PCDH7: variants seen among roughly 807,000 people sequenced by gnomAD.
PCDH7 encodes protocadherin 7.
A neutral mutation model predicts 58.9 loss-of-function variants in PCDH7; 17 were observed. The ratio of observed to expected loss-of-function variants is 0.29; its 90% confidence interval spans 0.20 to 0.43. The LOEUF is 0.43. Ranked by LOEUF, PCDH7 falls within the 20% of genes least tolerant of loss-of-function variation. PCDH7 has a pLI of 1.00. For synonymous variants in PCDH7, 664 were observed against 616.4 expected, an observed-to-expected ratio of 1.08 and a Z score of -1.14; for missense variants, 1,274 against 1,441.0, an observed-to-expected ratio of 0.88 and a Z score of 1.88.
At chr4:31,005,848 C>A (rs1752728471) in intron 3 of PCDH7, among the ~76,000 whole-genome samples, 1 of 152,074 alleles carries the variant, frequency 6.6e-6, no homozygotes, top group Non-Finnish European at 1.5e-5. Flanking sequence ...CTTCTATCAC[C>A]GGAGAAAGCT....
chr4:30,966,870 T>C (rs1260147735), intron 3 of PCDH7, among the ~76,000 whole-genome samples: 1 of 152,142 alleles, frequency 6.6e-6, no homozygotes. Context: ...CATAATTTAG[T>C]AAGAAGAGCA....
At chr4:30,831,952 A>G (rs910641074) in intron 1 of PCDH7, among the ~76,000 whole-genome samples, 4 of 152,156 alleles carry the variant, frequency 2.6e-5, no homozygotes, top group African/African-American at 9.7e-5. Context: ...ATAATTTTGC[A>G]TTTTTAATGT....
intron 1 of PCDH7, among the ~76,000 whole-genome samples, chr4:30,909,069 A>G (rs532441882): frequency 6.6e-6 from 1 of 152,294 alleles, no homozygotes; most frequent in South Asian, 2.1e-4. Flanking sequence ...AACAGAACCA[A>G]TGACGAAAAT....
At chr4:31,144,950 A>T (rs1377940266), downstream of PCDH7, 1 of 152,162 alleles carries the variant, frequency 6.6e-6, no homozygotes, top group Non-Finnish European at 1.5e-5. Context: ...GTAAGTACCT[A>T]TTAAGACAAA....
chr4:31,018,205 C>T (rs994390941), intron 3 of PCDH7, among the ~76,000 whole-genome samples: 2 of 152,104 alleles, frequency 1.3e-5, no homozygotes, highest in East Asian at 3.9e-4. Context: ...TTTAGTCTGA[C>T]TTGAGTTTCT....
intron 3 of PCDH7, among the ~76,000 whole-genome samples, chr4:31,109,230 A>C (rs561277769): frequency 1.6e-4 from 25 of 152,342 alleles, no homozygotes; most frequent in Admixed American, 5.9e-4. Flanking sequence ...GAAAAACTGC[A>C]AAGTCACTTT....
At chr4:30,989,135 A>T (rs1327562171) in intron 3 of PCDH7, among the ~76,000 whole-genome samples, 6 of 149,340 alleles carry the variant, frequency 4.0e-5, no homozygotes, top group African/African-American at 1.4e-4. Flanking sequence ...TTTGGACAGA[A>T]TCAAATCACA....
At chr4:30,984,642 T>C (rs1322461680) in intron 3 of PCDH7, among the ~76,000 whole-genome samples, 1 of 152,196 alleles carries the variant, frequency 6.6e-6, no homozygotes, top group Non-Finnish European at 1.5e-5. Context: ...CCTGCCAATA[T>C]GTAATTCCCA....
rs576472358 is a variant in PCDH7, at chr4:30,850,640, G to A, written c.71-69513G>A. Among the ~76,000 whole-genome samples the A allele has an allele frequency of 2.6e-5, 4 of 152,140 alleles. No individual in the cohort carries two copies. In the East Asian group the frequency reaches 7.7e-4, roughly 29 times the overall value. The stretch of plus-strand genomic sequence containing the variant: ...TTCACAGAAGTTGTTTAACTAAGTT[G>A]ATACATTTGGTGTCCATATTTGAGG... On this transcript the variant is annotated intron_variant, in intron 1 of 3. Transcript: ENST00000509759.
intron 1 of PCDH7, among the ~76,000 whole-genome samples, chr4:30,772,789 G>A (rs560822190): frequency 6.6e-6 from 1 of 152,298 alleles, no homozygotes; most frequent in Non-Finnish European, 1.5e-5. Context: ...CATATACACA[G>A]CTATTAGTAA....
rs200952013 is a variant in PCDH7, at chr4:30,962,788, A to C, written c.*7+12573A>C. 2.5e-4 allele frequency among the ~76,000 whole-genome samples: 37 copies of C among 150,576 alleles called. 1 individual carries two copies. Among genetic ancestry groups the C allele is most frequent in the South Asian group, 2.1e-3 (10 of 4,750 alleles). Reference sequence around the variant, plus strand: ...TGAGACCCAGTCTTAAAAAAAAAAAAAAAAAAAAAAAAAAAAACAGTGGTA... The same window carrying C: ...TGAGACCCAGTCTTAAAAAAAAAAACAAAAAAAAAAAAAAAAACAGTGGTA... On this transcript the variant is annotated intron_variant, in intron 3 of 3. Transcript: ENST00000509759.
In PCDH7 at chr4:30,757,641, G is replaced by T. The variant is rs531233626; in HGVS notation, c.70+33045G>T. ...ACTCAGCTCAAATGTCACTTCCTAT[G>T]CAATGCTTTCCCTGCCTCCCACGCC... On this transcript the variant is annotated intron_variant, in intron 1 of 3. Coordinates refer to the PCDH7 transcript ENST00000509759. 4.2e-4 allele frequency among the ~76,000 whole-genome samples: 64 copies of T among 152,236 alleles called. 3 individuals carry two copies. Among genetic ancestry groups the T allele is most frequent in the African/African-American group, 1.4e-3 (59 of 41,546 alleles).
intron 1 of PCDH7, among the ~76,000 whole-genome samples, chr4:30,744,897 A>G (rs1004938901): frequency 7.9e-5 from 12 of 152,202 alleles, no homozygotes; most frequent in Non-Finnish European, 1.5e-4. Flanking sequence ...ACTGTATTTT[A>G]GTCATTCTAT....
exon 2 of PCDH7, chr4:30,732,944 T>A (rs935460468): frequency 6.6e-6 from 1 of 152,174 alleles, no homozygotes; most frequent in Non-Finnish European, 1.5e-5. Flanking sequence ...CCTCTACTAT[T>A]CTTGTGATTA....
chr4:31,032,675 G>A (rs1755049879), intron 3 of PCDH7, among the ~76,000 whole-genome samples: 1 of 94,130 alleles, frequency 1.1e-5, no homozygotes, highest in Non-Finnish European at 2.4e-5. Context: ...AGGAAGGGAG[G>A]GAGGGAGGGA....
At chr4:30,819,186 G>A (rs1728047313) in intron 1 of PCDH7, among the ~76,000 whole-genome samples, 2 of 152,256 alleles carry the variant, frequency 1.3e-5, no homozygotes, top group Admixed American at 6.5e-5. Context: ...CCCATCATAT[G>A]TATGAAGACC....
chr4:31,061,455 T>A (rs988635958), intron 3 of PCDH7, among the ~76,000 whole-genome samples: 1 of 151,596 alleles, frequency 6.6e-6, no homozygotes, highest in African/African-American at 2.4e-5. Context: ...TCTTAACAGA[T>A]CCTACCTTGT....
At chr4:31,044,691 G>T (rs1756144922) in intron 3 of PCDH7, among the ~76,000 whole-genome samples, 1 of 152,034 alleles carries the variant, frequency 6.6e-6, no homozygotes, top group African/African-American at 2.4e-5. Context: ...AAATGTGAGT[G>T]TTGTTAGTAA....
intron 3 of PCDH7, among the ~76,000 whole-genome samples, chr4:31,022,450 C>T (rs1754102753): frequency 6.6e-6 from 1 of 152,128 alleles, no homozygotes; most frequent in African/African-American, 2.4e-5. Context: ...TGAGGCAAAA[C>T]ATTTTCTGAA....
Sources: gnomAD v4.1 joint callset for allele counts (sites outside exome capture counted in the v4.1 genomes callset) on GRCh38, gnomAD v4.1.1 for gene constraint, MANE v1.5 for transcripts, NCBI Gene and HGNC (gene_info 2026-07-23, HGNC 2026-07-21) for gene names.